The following FAM120A variants were observed in gnomAD, a reference collection of about 807,000 sequenced individuals.
The protein encoded by FAM120A is family with sequence similarity 120 member A, also known as constitutive coactivator of PPAR-gamma-like protein 1.
In FAM120A, 15 loss-of-function variants were observed where a neutral mutation model predicts 109.7. The ratio of observed to expected loss-of-function variants is 0.14; its 90% confidence interval spans 0.09 to 0.21. The LOEUF (loss-of-function observed/expected upper bound fraction) is 0.21. FAM120A is among the 10% of genes least tolerant of loss of function. FAM120A has a pLI of 1.00. For synonymous variants in FAM120A, 493 were observed against 572.8 expected (o/e 0.86, Z 1.99); for missense variants, 899 against 1,439.3 (o/e 0.62, Z 6.07).
intron 2 of FAM120A, among the ~76,000 whole-genome samples, chr9:93,472,863 A>G (rs955620834): frequency 7.9e-5 from 12 of 152,216 alleles, no homozygotes. Context: ...TTTTAAGTCA[A>G]TAAGTTGTAG....
In FAM120A at chr9:93,519,097, G is replaced by A. The variant is rs183376172; in HGVS notation, c.1418+2828G>A. Among the ~76,000 whole-genome samples the A allele has an allele frequency of 2.6e-5, 4 of 152,256 alleles. No individual in the cohort carries two copies. In the East Asian group the frequency reaches 7.7e-4, roughly 29 times the overall value. On this transcript the variant is annotated intron_variant, in intron 7 of 17. Coordinates refer to ENST00000277165, the MANE Select transcript of FAM120A (RefSeq NM_014612.5). ...GAGAGACCCTGGTGTTTCTTTGGAG[G>A]TGAGTTTACTCACACCTTGATGCCA... is the stretch of plus-strand genomic sequence containing the variant.
intron 7 of FAM120A, among the ~76,000 whole-genome samples, chr9:93,525,273 G>A (rs1458655274): frequency 6.6e-6 from 1 of 151,850 alleles, no homozygotes; most frequent in Non-Finnish European, 1.5e-5. Flanking sequence ...GGTGGCGCTG[G>A]CATGGTGCCT....
intron 5 of FAM120A, among the ~76,000 whole-genome samples, chr9:93,511,022 G>T (rs370504475): frequency 6.6e-6 from 1 of 151,700 alleles, no homozygotes; most frequent in Non-Finnish European, 1.5e-5. Flanking sequence ...GTTCTTGTAT[G>T]AGCAGTCCAG....
At chr9:93,535,281 C>A (rs1470251374) in intron 10 of FAM120A, among the ~76,000 whole-genome samples, 5 of 152,134 alleles carry the variant, frequency 3.3e-5, no homozygotes, top group Admixed American at 3.3e-4. Flanking sequence ...GATTTATGAA[C>A]TTTGATTTTG....
chr9:93,561,314 T>C, intron 16 of FAM120A, 64 bp downstream of exon 16: 2 of 1,487,406 alleles, frequency 1.3e-6, no homozygotes, highest in Non-Finnish European at 1.8e-6. Context: ...AACTTGCTTT[T>C]TTTTGGAAGT....
chr9:93,555,256 A>G (rs1401807123), intron 12 of FAM120A, among the ~76,000 whole-genome samples: 2 of 152,242 alleles, frequency 1.3e-5, no homozygotes, highest in Non-Finnish European at 2.9e-5. Flanking sequence ...ATCCAGAGGT[A>G]TAAACACCTT....
At chr9:93,465,645 AAAT>A (rs750654097) in intron 1 of FAM120A, among the ~76,000 whole-genome samples, 5 of 152,206 alleles carry the variant, frequency 3.3e-5, no homozygotes, top group Admixed American at 6.5e-5. Flanking sequence ...CAGACTTCCC[AAAT>A]ATCCCTCACT....
chr9:93,455,682 A>G (rs536168307), intron 1 of FAM120A, among the ~76,000 whole-genome samples: 16 of 149,424 alleles, frequency 1.1e-4, no homozygotes, highest in African/African-American at 3.7e-4. Context: ...TTTTTTTTTG[A>G]GATGGAGTCT....
intron 17 of FAM120A, among the ~76,000 whole-genome samples, chr9:93,564,020 A>T (rs530581607): frequency 1.0e-3 from 156 of 152,336 alleles, no homozygotes; most frequent in African/African-American, 3.7e-3. Context: ...ACTACAGAGG[A>T]GTTGAGGGAA....
chr9:93,539,558 G>A (rs1229880346), intron 10 of FAM120A, among the ~76,000 whole-genome samples: 1 of 152,178 alleles, frequency 6.6e-6, no homozygotes, highest in Non-Finnish European at 1.5e-5. Context: ...CCAGTACGGA[G>A]TTCATTTTTA....
chr9:93,468,880 G>A lies in FAM120A; in HGVS notation c.475-2261G>A, dbSNP rs115312168. On this transcript the variant is annotated intron_variant, in intron 1 of 17. Transcript: ENST00000277165. ...CAGCTCTTGAAATATATTGCCTGCTGTTTTACAATACTGACAGCATTACTT... is the reference window on the plus strand; with the variant it reads ...CAGCTCTTGAAATATATTGCCTGCTATTTTACAATACTGACAGCATTACTT... 6.6e-3 allele frequency among the ~76,000 whole-genome samples: 1,003 copies of A among 152,282 alleles called. 14 individuals are homozygous for A. The highest frequency in any genetic ancestry group is 0.023 in the African/African-American group (969 of 41,534).
rs1216661854 is a variant in FAM120A, at chr9:93,513,495, C to T, written c.1031-2172C>T. On this transcript the variant is annotated intron_variant, in intron 5 of 17. Coordinates refer to ENST00000277165, the MANE Select transcript of FAM120A (RefSeq NM_014612.5). ...CGTGTGTCTATGTGCGTGTTGCATG[C>T]AAGTGTGAGGTGTCTGTGACTACAC... Among the ~76,000 whole-genome samples the T allele has an allele frequency of 2.0e-5, 3 of 152,178 alleles. No individual in the cohort carries two copies. The East Asian group carries it at 5.8e-4, about 29-fold the overall frequency.
intron 7 of FAM120A, among the ~76,000 whole-genome samples, chr9:93,526,066 C>T (rs1009023480): frequency 6.6e-6 from 1 of 152,222 alleles, no homozygotes; most frequent in Non-Finnish European, 1.5e-5. Context: ...CAAAGGCAGG[C>T]CAGTTGACCC....
At chr9:93,488,813 C>T (rs1275414935) in intron 3 of FAM120A, among the ~76,000 whole-genome samples, 1 of 152,012 alleles carries the variant, frequency 6.6e-6, no homozygotes, top group Non-Finnish European at 1.5e-5. Context: ...ACTTCTGTTT[C>T]AGTCACTGCT....
intron 3 of FAM120A, among the ~76,000 whole-genome samples, chr9:93,491,319 C>T (rs1384253081): frequency 6.6e-6 from 1 of 152,160 alleles, no homozygotes; most frequent in Non-Finnish European, 1.5e-5. Flanking sequence ...CACCACCGCT[C>T]ATGGATTGTG....
intron 3 of FAM120A, among the ~76,000 whole-genome samples, chr9:93,485,486 A>C (rs905549796): frequency 1.2e-4 from 18 of 152,168 alleles, no homozygotes; most frequent in African/African-American, 4.3e-4. Context: ...AGTCCCAACT[A>C]CTTGACAGAC....
chr9:93,516,106 A>G lies in FAM120A; in HGVS notation c.1255A>G (p.Ser419Gly), dbSNP rs764751749. Residue 419 changes from serine (S) to glycine (G), a missense_variant, in exon 7 of 18, where the codon AGC becomes GGC. This residue lies in a region of FAM120A where 30 missense variants were observed against 32.5 expected (regional missense o/e 0.92). Transcript: ENST00000277165. ...GKNLTEQNSYSNIPHEGKHTP... is the reference protein window; with the variant it reads ...GKNLTEQNSYGNIPHEGKHTP... ...GAATCTGACGGAGCAGAACAGCTAC[A>G]GCAACATTCCTCACGAAGGGAAGCA... The G allele has an allele frequency of 6.2e-7, 1 of 1,613,638 alleles. No homozygotes were observed. The highest frequency in any genetic ancestry group is 1.1e-5 in the South Asian group (1 of 91,058).
rs913187954 is a variant in FAM120A at position 93,500,747 on chromosome 9, G to A, written c.1030+1861G>A. On this transcript the variant is annotated intron_variant, in intron 5 of 17. Transcript: ENST00000277165. This position sits in a 1 kb window ranked among gnomAD's most constrained non-coding sequence, Gnocchi z 4.6. ...TATACTGTTTCATCAGTTAAGGTGA[G>A]GCATTATGGGACCAGATCTCAGTGT... 6.6e-6 allele frequency among the ~76,000 whole-genome samples: 1 copy of A among 152,176 alleles called. No individual in the cohort carries two copies. The highest frequency in any genetic ancestry group is 2.4e-5 in the African/African-American group (1 of 41,434).
chr9:93,537,685 A>G (rs564196287), intron 10 of FAM120A, among the ~76,000 whole-genome samples: 17 of 152,104 alleles, frequency 1.1e-4, no homozygotes, highest in Non-Finnish European at 1.9e-4. Context: ...TTTTCCTGGT[A>G]TAGTTTGCTT....
Sources: allele counts gnomAD v4.1 joint callset (sites outside exome capture counted in the v4.1 genomes callset), GRCh38; gene constraint gnomAD v4.1.1; regional missense constraint gnomAD v4.1.1; non-coding constraint Gnocchi (gnomAD v3.1); transcripts MANE v1.5; gene names NCBI Gene and HGNC (gene_info 2026-07-23, HGNC 2026-07-21).